GNB5: variants seen among roughly 807,000 people sequenced by gnomAD.
The protein encoded by GNB5 is guanine nucleotide-binding protein subunit beta-5.
In GNB5, 37 loss-of-function variants were observed where a neutral mutation model predicts 55.3. The observed-to-expected ratio is 0.67, with a 90% CI of 0.51 to 0.88. The LOEUF (loss-of-function observed/expected upper bound fraction) is 0.88, where lower values mean the gene tolerates loss of function less well. Ranked by LOEUF, GNB5 falls within the 40% of genes least tolerant of loss-of-function variation. The pLI is 0.00. For missense variants in GNB5, 476 were observed against 515.3 expected (o/e 0.92, Z 0.74); for synonymous variants, 219 against 198.5 (o/e 1.10, Z -0.87).
chr15:52,149,049 C>T (rs1253366998), intron 5 of GNB5, among the ~76,000 whole-genome samples: 2 of 152,316 alleles, frequency 1.3e-5, no homozygotes, highest in East Asian at 3.9e-4. Context: ...AAGCCCTGTG[C>T]AGATTGCTGT....
At chr15:52,143,955 G>A (rs1427600214) in intron 6 of GNB5, 2 of 152,224 alleles carry the variant, frequency 1.3e-5, no homozygotes, top group Non-Finnish European at 2.9e-5. Flanking sequence ...CTTCACAAAT[G>A]TTCATGCCTT....
rs947949392 is a variant in GNB5 at position 52,119,807 on chromosome 15, G to C, written c.*2950C>G. 2.6e-5 allele frequency: 4 copies of C among 152,232 alleles called. No individual in the cohort carries two copies. Among genetic ancestry groups the C allele is most frequent in the Admixed American group, 1.3e-4 (2 of 15,286 alleles). The allele number at this position is 152,232 out of a possible 1,614,324, so 9.4% of individuals were successfully genotyped here. ...CCCTCTAACTCACAGAGGAGTCCCA[G>C]TATCGGTGGTGCCACCTTTCAGCCA... is the stretch of plus-strand genomic sequence containing the variant. On this transcript the variant is annotated 3_prime_UTR_variant, in exon 13 of 13. Coordinates refer to ENST00000261837, the MANE Select transcript of GNB5 (RefSeq NM_016194.4).
At chr15:52,152,750 C>T (rs150285919) in intron 4 of GNB5, among the ~76,000 whole-genome samples, 211 of 152,170 alleles carry the variant, frequency 1.4e-3, no homozygotes, top group African/African-American at 4.1e-3. Flanking sequence ...CCCACCTCAG[C>T]GTCCCAAGTA....
chr15:52,164,320 A>T (rs1374237715), intron 3 of GNB5, among the ~76,000 whole-genome samples: 2 of 146,160 alleles, frequency 1.4e-5, no homozygotes, highest in African/African-American at 5.1e-5. Context: ...AAAAAAAAAA[A>T]AAAAAAAAAA....
chr15:52,127,508 A>G (rs2033459690), intron 10 of GNB5, among the ~76,000 whole-genome samples: 1 of 152,070 alleles, frequency 6.6e-6, no homozygotes, highest in Non-Finnish European at 1.5e-5. Flanking sequence ...TTTTGTTACA[A>G]TATATTTCCA....
In GNB5 at chr15:52,119,288, G is replaced by A. The variant is rs1213150137; in HGVS notation, c.*3469C>T. ...AGATAGGAAGGAGAGAGGAGGCGAT[G>A]GGAGGGAGGGAGGAGGTGATGAGAG... is the stretch of plus-strand genomic sequence containing the variant. On this transcript the variant is annotated 3_prime_UTR_variant, in exon 13 of 13. Transcript: ENST00000261837. 1 of 103,624 alleles carries A rather than the reference G, an allele frequency of 9.7e-6. No individual in the cohort carries two copies. Among genetic ancestry groups the A allele is most frequent in the Non-Finnish European group, 2.0e-5 (1 of 50,374 alleles). The allele number at this position is 103,624 out of a possible 1,614,324, so 6.4% of individuals were successfully genotyped here.
intron 4 of GNB5, among the ~76,000 whole-genome samples, chr15:52,150,821 T>TG (rs1364448300): frequency 3.9e-5 from 6 of 152,238 alleles, no homozygotes; most frequent in African/African-American, 1.4e-4. Flanking sequence ...TGCAGGTTGC[T>TG]GGGCAGGCAG....
At chr15:52,148,305 T>C (rs1401874580) in intron 5 of GNB5, among the ~76,000 whole-genome samples, 1 of 152,144 alleles carries the variant, frequency 6.6e-6, no homozygotes, top group Non-Finnish European at 1.5e-5. Context: ...CCCTAAACCA[T>C]CCCAGGGAAG....
Position 52,125,977 on chromosome 15 carries a change from C to G in GNB5, c.980G>C (p.Gly327Ala). 6.4e-7 allele frequency: 1 copy of G among 1,570,864 alleles called. No individual in the cohort carries two copies. Among genetic ancestry groups the G allele is most frequent in the Non-Finnish European group, 8.7e-7 (1 of 1,144,816 alleles). ...AIYSKESIIF[G>A]ASSVDFSLSG... is the part of the protein sequence containing the mutation. ...GAGGGAGAAGTCCACGCTGGATGCT[C>G]CAAATATGATGCTTTCTTTGGAATA... Residue 327 changes from glycine (G) to alanine (A), a missense_variant, in exon 11 of 13, where the codon GGA becomes GCA. Gly to Ala is a moderately conservative substitution (Grantham distance 60). Transcript: ENST00000261837.
At chr15:52,125,178 TC>T (rs2033390247) in intron 11 of GNB5, 1 of 152,534 alleles carries the variant, frequency 6.6e-6, no homozygotes, top group African/African-American at 2.4e-5. Context: ...GCTTTAACTT[TC>T]TATTTTTCTT....
intron 6 of GNB5, among the ~76,000 whole-genome samples, chr15:52,142,660 C>A (rs1369898156): frequency 6.6e-6 from 1 of 152,058 alleles, no homozygotes; most frequent in Admixed American, 6.6e-5. Context: ...TTCTTTTCCT[C>A]CCAAAGACCT....
rs139317103 is a variant in GNB5 at position 52,144,486 on chromosome 15, T to A, written c.494+2973A>T. On this transcript the variant is annotated intron_variant, in intron 6 of 12. Coordinates refer to ENST00000261837, the MANE Select transcript of GNB5 (RefSeq NM_016194.4). ...AGAACTTACGATTCCTACTGAGTAG[T>A]GAAGAACTGACACTGCAGCAGAGGT... 6 of 152,300 alleles carry A rather than the reference T, an allele frequency of 3.9e-5. No individual in the cohort carries two copies. In the South Asian group the frequency reaches 1.0e-3, roughly 26 times the overall value. The allele number at this position is 152,300 out of a possible 1,614,324, so 9.4% of individuals were successfully genotyped here.
chr15:52,117,104 T>TATATATATATATATA lies in GNB5; in HGVS notation c.*5652_*5653insTATATATATATATAT, dbSNP rs1566928457. 3.0e-5 allele frequency: 2 copies of TATATATATATATATA among 66,062 alleles called. No individual in the cohort carries two copies. Among genetic ancestry groups the TATATATATATATATA allele is most frequent in the Non-Finnish European group, 2.6e-5 (1 of 38,716 alleles). The allele number at this position is 66,062 out of a possible 1,614,324, so 4.1% of individuals were successfully genotyped here. A position where few individuals can be genotyped will look rare whatever the true frequency, so the allele number is the denominator to read the frequency against. On this transcript the variant is annotated 3_prime_UTR_variant, in exon 13 of 13. Transcript: ENST00000261837. ...ACGCCCAGCTAATATATATATATAT[T>TATATATATATATATA]TTTTTTTAGTACAGACAGGGTTTCA... is the stretch of plus-strand genomic sequence containing the variant.
At chr15:52,182,545 C>T (rs1042395315) in intron 2 of GNB5, among the ~76,000 whole-genome samples, 1 of 152,152 alleles carries the variant, frequency 6.6e-6, no homozygotes, top group African/African-American at 2.4e-5. Flanking sequence ...TTTCCAAGTA[C>T]TTTCTTGTAT....
intron 5 of GNB5, among the ~76,000 whole-genome samples, chr15:52,147,997 G>C (rs1402561398): frequency 6.6e-6 from 1 of 151,848 alleles, no homozygotes; most frequent in African/African-American, 2.4e-5. Context: ...GACTTATGAG[G>C]GGACTCTTAT....
intron 6 of GNB5, among the ~76,000 whole-genome samples, chr15:52,142,249 A>G (rs2033872892): frequency 6.6e-6 from 1 of 152,186 alleles, no homozygotes; most frequent in African/African-American, 2.4e-5. Flanking sequence ...GTAATCAGTA[A>G]TAATCTGTGG....
rs1273366083 is a variant in GNB5, at chr15:52,135,814, A to T, written c.628-58T>A. On this transcript the variant is annotated intron_variant, in intron 7 of 12. Coordinates refer to ENST00000261837, the MANE Select transcript of GNB5 (RefSeq NM_016194.4). ...TGTGGTTATTGCTTATGCCGGGGGC[A>T]GTCAATCAGAGGCTTAACGTTCCGC... 1.1e-5 allele frequency: 17 copies of T among 1,561,170 alleles called. No individual in the cohort carries two copies. In the Admixed American group the frequency reaches 3.0e-4, roughly 27 times the overall value.
At chr15:52,137,263 A>G (rs963721041) in intron 7 of GNB5, 1 of 1,149,322 alleles carries the variant, frequency 8.7e-7, no homozygotes, top group African/African-American at 1.6e-5. Context: ...GACAAGGATC[A>G]ATGACAACAG....
intron 12 of GNB5, among the ~76,000 whole-genome samples, chr15:52,123,117 A>C (rs1268735134): frequency 6.6e-6 from 1 of 152,184 alleles, no homozygotes. Flanking sequence ...CATATACATT[A>C]ACATGACTAC....
Sources: allele counts gnomAD v4.1 joint callset (sites outside exome capture counted in the v4.1 genomes callset), GRCh38; gene constraint gnomAD v4.1.1; transcripts MANE v1.5; gene names NCBI Gene and HGNC (gene_info 2026-07-23, HGNC 2026-07-21).